Variants in MECOM observed in about 807,000 individuals in gnomAD.
The protein encoded by MECOM is MDS1 and EVI1 complex locus.
Under a neutral mutation model 116.3 loss-of-function variants are expected in MECOM, and 13 were observed. The ratio of observed to expected loss-of-function variants is 0.11; its 90% CI spans 0.07 to 0.18. The LOEUF is 0.18. Among genes scored for constraint, MECOM ranks in the 10% least tolerant of loss-of-function variants. MECOM has a pLI of 1.00. For synonymous variants in MECOM, 528 were observed against 535.2 expected (o/e 0.99, Z 0.19); for missense variants, 1,299 against 1,509.0 (o/e 0.86, Z 2.31).
intron 1 of MECOM, among the ~76,000 whole-genome samples, chr3:169,586,278 C>T (rs1408345635): frequency 6.6e-6 from 1 of 152,178 alleles, no homozygotes; most frequent in Non-Finnish European, 1.5e-5. Flanking sequence ...ACATTATAAA[C>T]CACACTCTGC....
At chr3:169,090,385 GA>G in intron 14 of MECOM, 149 bp from the exon 15 acceptor site, 1 of 655,168 alleles carries the variant, frequency 1.5e-6, no homozygotes, top group Non-Finnish European at 2.5e-6. Context: ...CGTCAACCAT[GA>G]AAAAATAATG....
At chr3:169,394,078 GC>G (rs1170986972) in intron 1 of MECOM, among the ~76,000 whole-genome samples, 1 of 152,044 alleles carries the variant, frequency 6.6e-6, no homozygotes, top group African/African-American at 2.4e-5. Flanking sequence ...AATTTAACAG[GC>G]TTTTGCTATT....
At chr3:169,280,207 T>C (rs929112125) in intron 2 of MECOM, among the ~76,000 whole-genome samples, 1 of 152,224 alleles carries the variant, frequency 6.6e-6, no homozygotes, top group Middle Eastern at 3.2e-3. Context: ...AAGCATGCCA[T>C]TGGTCAAGAT....
chr3:169,444,542 C>G (rs2342059), intron 1 of MECOM, among the ~76,000 whole-genome samples: 19 of 152,222 alleles, frequency 1.2e-4, no homozygotes, highest in East Asian at 3.9e-4. Flanking sequence ...TTTCACCCCC[C>G]GCCATGATTC....
chr3:169,088,185 C>T (rs1475866483), intron 16 of MECOM, among the ~76,000 whole-genome samples: 1 of 152,126 alleles, frequency 6.6e-6, no homozygotes, highest in Non-Finnish European at 1.5e-5. Flanking sequence ...GGCAATTAGA[C>T]CACAGTGCCC....
chr3:169,563,793 T>G (rs879651906), intron 1 of MECOM, among the ~76,000 whole-genome samples: 2 of 152,130 alleles, frequency 1.3e-5, no homozygotes, highest in Non-Finnish European at 2.9e-5. Flanking sequence ...TGAAGCTGAG[T>G]CAGTTCTCAA....
At chr3:169,482,328 CTTTTTTTTTTT>C (rs768771100) in intron 1 of MECOM, among the ~76,000 whole-genome samples, 2 of 108,396 alleles carry the variant, frequency 1.8e-5, no homozygotes, top group Non-Finnish European at 3.6e-5. Context: ...AACCCACGTT[CTTTTTTTTTTT>C]TTTTTTTTTT....
intron 1 of MECOM, among the ~76,000 whole-genome samples, chr3:169,431,529 A>C (rs922852578): frequency 4.6e-5 from 7 of 152,178 alleles, no homozygotes; most frequent in African/African-American, 1.7e-4. Context: ...CCACAAGAAA[A>C]AAAAGCCCTT....
intron 2 of MECOM, among the ~76,000 whole-genome samples, chr3:169,201,549 G>C (rs1314997169): frequency 6.6e-6 from 1 of 152,048 alleles, no homozygotes; most frequent in African/African-American, 2.4e-5. Context: ...AAGGAAGAGG[G>C]TTCCAATCAA....
intron 1 of MECOM, among the ~76,000 whole-genome samples, chr3:169,624,824 T>C (rs923399829): frequency 6.6e-6 from 1 of 152,196 alleles, no homozygotes; most frequent in African/African-American, 2.4e-5. Flanking sequence ...TTTTGACTTC[T>C]GACTGGACAG....
In MECOM at chr3:169,378,428, AGAAAGAAAGAAAGAAAGAAAGAAG is replaced by A. The variant is rs1295711713; in HGVS notation, c.375+2735_375+2758del. 7.8e-5 allele frequency among the ~76,000 whole-genome samples: 6 copies of A among 77,294 alleles called. 1 individual carries two copies. Among genetic ancestry groups the A allele is most frequent in the African/African-American group, 5.4e-4 (6 of 11,158 alleles). 50.7% of individuals were successfully genotyped at this position (77,294 alleles called of 152,430 possible). A position where few individuals can be genotyped will look rare whatever the true frequency, so the allele number is the denominator to read the frequency against. On this transcript the variant is annotated intron_variant, in intron 2 of 16. Coordinates refer to ENST00000651503, the MANE Select transcript of MECOM (RefSeq NM_004991.4). ...AAGAAAGAAAGAAAGAAAGAAAGAAAGAAAGAAAGAAAGAAAGAAAGAAGGAAAGCAAGCAAGCAAGCAAGCAAG... is the reference window on the plus strand; with the variant it reads ...AAGAAAGAAAGAAAGAAAGAAAGAAAGAAAGCAAGCAAGCAAGCAAGCAAG...
chr3:169,519,138 G>A (rs1048774178), intron 1 of MECOM, among the ~76,000 whole-genome samples: 2 of 152,156 alleles, frequency 1.3e-5, no homozygotes, highest in African/African-American at 4.8e-5. Flanking sequence ...GCTTCTCTCT[G>A]TGTAGAATCA....
chr3:169,417,744 G>A (rs1738922328), intron 1 of MECOM, among the ~76,000 whole-genome samples: 1 of 151,990 alleles, frequency 6.6e-6, no homozygotes, highest in African/African-American at 2.4e-5. Flanking sequence ...TTAAGAAAAT[G>A]TGGCACATAT....
chr3:169,483,974 G>A, intron 1 of MECOM: 1 of 1,598,756 alleles, frequency 6.3e-7, no homozygotes, highest in Non-Finnish European at 8.6e-7. Context: ...TACAGGGTGG[G>A]TGCAATCAAG....
intron 1 of MECOM, among the ~76,000 whole-genome samples, chr3:169,396,247 G>T (rs1735008579): frequency 6.6e-6 from 1 of 152,036 alleles, no homozygotes; most frequent in African/African-American, 2.4e-5. Flanking sequence ...GAACACAATG[G>T]GTTCAAGTCC....
chr3:169,538,270 A>G (rs573228669), intron 1 of MECOM, among the ~76,000 whole-genome samples: 2 of 152,268 alleles, frequency 1.3e-5, no homozygotes, highest in African/African-American at 4.8e-5. Context: ...TGGTGTGTTC[A>G]ATTTTTGCCT....
At chr3:169,218,834 A>G (rs974000861) in intron 2 of MECOM, among the ~76,000 whole-genome samples, 1 of 152,088 alleles carries the variant, frequency 6.6e-6, no homozygotes, top group African/African-American at 2.4e-5. Flanking sequence ...TTGACAGACA[A>G]TGTTGCACCG....
chr3:169,273,909 C>CTT (rs545229387), intron 2 of MECOM, among the ~76,000 whole-genome samples: 1,935 of 117,058 alleles, frequency 0.017, 118 homozygotes, highest in African/African-American at 0.061. Context: ...CTCTCCAAAG[C>CTT]TTTTTTTTTT....
intron 1 of MECOM, among the ~76,000 whole-genome samples, chr3:169,548,970 T>C (rs951900396): frequency 1.5e-5 from 2 of 133,442 alleles, no homozygotes; most frequent in African/African-American, 5.9e-5. Flanking sequence ...CATTTGTCTC[T>C]CTTTTTTTTT....
Sources: allele counts gnomAD v4.1 joint callset (sites outside exome capture counted in the v4.1 genomes callset), GRCh38; gene constraint gnomAD v4.1.1; transcripts MANE v1.5; gene names NCBI Gene and HGNC (gene_info 2026-07-23, HGNC 2026-07-21).